MYO5B: variants seen among roughly 807,000 people sequenced by gnomAD.
MYO5B encodes the protein unconventional myosin-Vb.
MYO5B carries 143 observed loss-of-function variants against 229.3 expected under a neutral mutation model. That is an observed-to-expected ratio of 0.62 (90% CI 0.54 to 0.72). The LOEUF (loss-of-function observed/expected upper bound fraction) is 0.72. Ranked by LOEUF, MYO5B falls within the 30% of genes least tolerant of loss-of-function variation. MYO5B has a pLI of 0.00. For missense variants in MYO5B, 2,321 were observed against 2,331.0 expected (o/e 1.00, Z 0.09); for synonymous variants, 918 against 885.2 (o/e 1.04, Z -0.66).
At chr18:50,041,643 C>A (rs943647069) in intron 2 of MYO5B, among the ~76,000 whole-genome samples, 2 of 151,774 alleles carry the variant, frequency 1.3e-5, no homozygotes, top group South Asian at 2.1e-4. Flanking sequence ...TTCTCTCTTA[C>A]CAAAATAAGT....
intron 1 of MYO5B, among the ~76,000 whole-genome samples, chr18:50,072,900 A>G (rs1168959218): frequency 2.0e-5 from 3 of 152,162 alleles, no homozygotes; most frequent in Admixed American, 6.5e-5. Flanking sequence ...ACCAGGGCTC[A>G]CATTCCAGGC....
chr18:49,964,211 A>G (rs184168622), intron 10 of MYO5B, among the ~76,000 whole-genome samples: 3 of 152,368 alleles, frequency 2.0e-5, no homozygotes, highest in African/African-American at 7.2e-5. Context: ...AATGTTTGTT[A>G]TGACCCCACC....
intron 10 of MYO5B, among the ~76,000 whole-genome samples, chr18:49,970,474 A>G (rs1401920155): frequency 6.6e-6 from 1 of 152,188 alleles, no homozygotes; most frequent in African/African-American, 2.4e-5. Context: ...TTTGTTTAGA[A>G]GCCCACAGCC....
intron 4 of MYO5B, among the ~76,000 whole-genome samples, chr18:50,034,888 A>G (rs2026431652): frequency 6.6e-6 from 1 of 152,250 alleles, no homozygotes; most frequent in Non-Finnish European, 1.5e-5. Flanking sequence ...ACCCAGTGGT[A>G]AAACAAGTAT....
At chr18:49,839,380 T>C in intron 35 of MYO5B, 86 bp from the exon 36 acceptor site, 1 of 1,522,658 alleles carries the variant, frequency 6.6e-7, no homozygotes, top group South Asian at 1.1e-5. Flanking sequence ...TTTAGTCATC[T>C]ATTTGGTGGG....
chr18:50,172,187 G>A (rs2032927782), intron 1 of MYO5B, among the ~76,000 whole-genome samples: 1 of 151,580 alleles, frequency 6.6e-6, no homozygotes, highest in Admixed American at 6.6e-5. Flanking sequence ...AGGCTGAAGG[G>A]GAAGGATCAC....
intron 14 of MYO5B, among the ~76,000 whole-genome samples, chr18:49,941,569 A>T (rs1787298): frequency 0.59 from 89,390 of 151,876 alleles, 26,856 homozygotes; most frequent in Middle Eastern, 0.73. Flanking sequence ...CCTGGAGGGT[A>T]CCCCAGTGAG....
intron 17 of MYO5B, among the ~76,000 whole-genome samples, chr18:49,925,372 G>A (rs2025117702): frequency 6.6e-6 from 1 of 152,238 alleles, no homozygotes; most frequent in African/African-American, 2.4e-5. Flanking sequence ...TATCTTACAT[G>A]TGTTGAGTGA....
Position 50,169,907 on chromosome 18 carries a change from G to C in MYO5B, c.27+24860C>G, listed in dbSNP as rs1222615235. Among the ~76,000 whole-genome samples, 9 of 126,556 alleles carry C rather than the reference G, an allele frequency of 7.1e-5. 2 individuals carry two copies. The highest frequency in any genetic ancestry group is 8.5e-5 in the Admixed American group (1 of 11,716). The allele number at this position is 126,556 out of a possible 152,430, so 83.0% of individuals were successfully genotyped here. On this transcript the variant is annotated intron_variant, in intron 1 of 39. Coordinates refer to ENST00000285039, the MANE Select transcript of MYO5B (RefSeq NM_001080467.3). ...AGGTTAGCAGGACAATGAGATAGGA[G>C]CCGTGGACCTGCCACACGGGCCCCA...
At chr18:50,092,430 G>GC (rs755443563) in intron 1 of MYO5B, among the ~76,000 whole-genome samples, 9 of 152,082 alleles carry the variant, frequency 5.9e-5, no homozygotes, top group Non-Finnish European at 1.3e-4. Flanking sequence ...GAAGATTATA[G>GC]CCATCCTGCT....
At chr18:50,004,822 A>G (rs1168080602) in intron 4 of MYO5B, among the ~76,000 whole-genome samples, 1 of 152,230 alleles carries the variant, frequency 6.6e-6, no homozygotes, top group East Asian at 1.9e-4. Flanking sequence ...AACAGCCTAC[A>G]AAGTGCAGCG....
rs1239417393 is a variant in MYO5B at position 50,001,254 on chromosome 18, C to A, written c.612+1G>T. 1.2e-6 allele frequency: 2 copies of A among 1,614,176 alleles called. No homozygotes were observed. The highest frequency in any genetic ancestry group is 1.7e-5 in the Admixed American group (1 of 60,032). Reference sequence around the variant, plus strand: ...AGGCCAGGACACCTAGAAGGCTTTACCTCCATGATGGGACTGGATGCCAGC... The same window carrying A: ...AGGCCAGGACACCTAGAAGGCTTTAACTCCATGATGGGACTGGATGCCAGC... On this transcript the variant is annotated splice_donor_variant, in intron 5 of 39. Coordinates refer to ENST00000285039, the MANE Select transcript of MYO5B (RefSeq NM_001080467.3). LOFTEE classifies it high-confidence loss of function.
intron 1 of MYO5B, among the ~76,000 whole-genome samples, chr18:50,178,433 T>C (rs2033026897): frequency 6.6e-6 from 1 of 152,158 alleles, no homozygotes; most frequent in Admixed American, 6.5e-5. Context: ...TTTCTTAGTA[T>C]CCACAGTACT....
intron 2 of MYO5B, among the ~76,000 whole-genome samples, chr18:50,040,981 A>G (rs539598282): frequency 9.2e-5 from 14 of 152,362 alleles, no homozygotes; most frequent in Admixed American, 9.1e-4. Context: ...TTGACAGGAT[A>G]CATTTATAAC....
intron 30 of MYO5B, among the ~76,000 whole-genome samples, chr18:49,854,137 A>G (rs1243255678): frequency 6.6e-6 from 1 of 152,242 alleles, no homozygotes; most frequent in Non-Finnish European, 1.5e-5. Flanking sequence ...GAAAGGCAAA[A>G]TATTAGCCCC....
Position 49,983,244 on chromosome 18 carries a change from G to A in MYO5B, c.946+1474C>T, listed in dbSNP as rs185554449. On this transcript the variant is annotated intron_variant, in intron 8 of 39. Transcript: ENST00000285039. ...CTTGCTCAATAGAGGGTATTCCGGCGATTTGCAAGGCAACAGAACATGAAG... is the reference window on the plus strand; with the variant it reads ...CTTGCTCAATAGAGGGTATTCCGGCAATTTGCAAGGCAACAGAACATGAAG... Among the ~76,000 whole-genome samples, 49 of 152,280 alleles carry A rather than the reference G, an allele frequency of 3.2e-4. 1 individual carries two copies. In the East Asian group the frequency reaches 8.5e-3, roughly 26 times the overall value.
rs546642636 is a variant in MYO5B, at chr18:49,863,197, G to C, written c.3944+30C>G. ...GGGCAGGGCCCTTCTCCGCGGCCTCGTCCAGCACATTTGACCGCGGCGGCC... is the reference window on the plus strand; with the variant it reads ...GGGCAGGGCCCTTCTCCGCGGCCTCCTCCAGCACATTTGACCGCGGCGGCC... On this transcript the variant is annotated intron_variant, in intron 29 of 39. Transcript: ENST00000285039. 25 of 1,577,926 alleles carry C rather than the reference G, an allele frequency of 1.6e-5. No individual in the cohort carries two copies. The South Asian group carries it at 2.5e-4, about 16-fold the overall frequency.
chr18:50,099,895 C>A (rs911835932), intron 1 of MYO5B, among the ~76,000 whole-genome samples: 12 of 152,176 alleles, frequency 7.9e-5, no homozygotes, highest in African/African-American at 2.4e-4. Flanking sequence ...TTTACTAGGG[C>A]CCGTGTGTGC....
At chr18:49,894,806 T>C (rs139014200) in intron 22 of MYO5B, 135 bp downstream of exon 22, 33 of 771,072 alleles carry the variant, frequency 4.3e-5, no homozygotes, top group East Asian at 2.7e-4. Flanking sequence ...TAGACACAGA[T>C]GAATGGTCAG....
Sources: allele counts gnomAD v4.1 joint callset (sites outside exome capture counted in the v4.1 genomes callset), GRCh38; gene constraint gnomAD v4.1.1; transcripts MANE v1.5; gene names NCBI Gene and HGNC (gene_info 2026-07-23, HGNC 2026-07-21).